GHR: variants seen among roughly 807,000 people sequenced by gnomAD.
The protein encoded by GHR is GH receptor.
Under a neutral mutation model 67.1 loss-of-function variants are expected in GHR, and 35 were observed. The ratio of observed to expected loss-of-function variants is 0.52; its 90% CI spans 0.40 to 0.69. The LOEUF (loss-of-function observed/expected upper bound fraction) is 0.69, where lower values mean the gene tolerates loss of function less well. Ranked by LOEUF, GHR falls within the 30% of genes least tolerant of loss-of-function variation. GHR has a pLI of 0.00. For synonymous variants in GHR, 272 were observed against 269.1 expected, an observed-to-expected ratio of 1.01 and a Z score of -0.10; for missense variants, 792 against 764.6, an observed-to-expected ratio of 1.04 and a Z score of -0.42.
In GHR at chr5:42,628,554, C is replaced by T. The variant is rs1461186725; in HGVS notation, c.71-484C>T. Among the ~76,000 whole-genome samples, 5 of 131,788 alleles carry T rather than the reference C, an allele frequency of 3.8e-5. 1 individual carries two copies. Among genetic ancestry groups the T allele is most frequent in the Admixed American group, 7.3e-5 (1 of 13,664 alleles). The allele number at this position is 131,788 out of a possible 152,430, so 86.5% of individuals were successfully genotyped here. ...CAGGATGTCTTGAAGTGGGGACTTG[C>T]AGGTCATAGTTTGGTTCAGAGATTC... On this transcript the variant is annotated intron_variant, in intron 2 of 9. Coordinates refer to ENST00000230882, the MANE Select transcript of GHR (RefSeq NM_000163.5).
At chr5:42,482,571 C>G in intron 1 of GHR, among the ~76,000 whole-genome samples, 1 of 152,220 alleles carries the variant, frequency 6.6e-6, no homozygotes, top group East Asian at 1.9e-4. Flanking sequence ...CTAATCAAGT[C>G]TCAGCAATGG....
chr5:42,424,907 G>T lies in GHR; in HGVS notation c.-12+952G>T. 2.9e-6 allele frequency: 2 copies of T among 698,684 alleles called. No individual in the cohort carries two copies. The highest frequency in any genetic ancestry group is 3.5e-6 in the Non-Finnish European group (2 of 567,948). 43.3% of individuals were successfully genotyped at this position (698,684 alleles called of 1,614,324 possible). On this transcript the variant is annotated intron_variant, in intron 1 of 9. Transcript: ENST00000230882. The surrounding 1 kb of genome is among the most constrained non-coding windows in gnomAD (Gnocchi z 4.1). ...GAATGAGTGTACGTGTGCGCTGTGT[G>T]TGCGCGCGCGAGTGTGCGCCTGGGG...
intron 1 of GHR, among the ~76,000 whole-genome samples, chr5:42,504,553 G>T (rs915684974): frequency 5.9e-5 from 9 of 152,106 alleles, no homozygotes; most frequent in Admixed American, 2.0e-4. Context: ...GAGGTCAGGA[G>T]ATTGAGATCA....
At chr5:42,574,801 A>G (rs753730308) in intron 2 of GHR, among the ~76,000 whole-genome samples, 17 of 152,196 alleles carry the variant, frequency 1.1e-4, no homozygotes, top group Non-Finnish European at 1.9e-4. Flanking sequence ...GATTTCTCCA[A>G]CATGTTTAGA....
intron 1 of GHR, among the ~76,000 whole-genome samples, chr5:42,529,512 C>T (rs943718201): frequency 1.3e-5 from 2 of 152,136 alleles, no homozygotes; most frequent in African/African-American, 4.8e-5. Flanking sequence ...TCAGAATTTG[C>T]AGGGTTGCTT....
chr5:42,632,560 G>T (rs988571191), intron 3 of GHR, among the ~76,000 whole-genome samples: 18 of 152,220 alleles, frequency 1.2e-4, no homozygotes, highest in Admixed American at 1.2e-3. Flanking sequence ...CTGGCAAAAG[G>T]TCTTAATCCA....
intron 3 of GHR, among the ~76,000 whole-genome samples, chr5:42,636,916 A>G (rs767093889): frequency 2.6e-5 from 4 of 152,232 alleles, no homozygotes; most frequent in Non-Finnish European, 5.9e-5. Flanking sequence ...TGCTAAACAA[A>G]GAACTTATTA....
intron 6 of GHR, among the ~76,000 whole-genome samples, chr5:42,707,570 G>T (rs1758238509): frequency 6.6e-6 from 1 of 151,822 alleles, no homozygotes; most frequent in Non-Finnish European, 1.5e-5. Flanking sequence ...TAACAATATT[G>T]ATTCTTCTAA....
Position 42,474,287 on chromosome 5 carries a change from AAG to A in GHR, c.-12+50336_-12+50337del, listed in dbSNP as rs1561325388. Among the ~76,000 whole-genome samples, 11 of 26,592 alleles carry A rather than the reference AAG, an allele frequency of 4.1e-4. 1 individual carries two copies. The highest frequency in any genetic ancestry group is 1.5e-3 in the African/African-American group (9 of 6,090). 17.4% of individuals were successfully genotyped at this position (26,592 alleles called of 152,430 possible). A position where few individuals can be genotyped will look rare whatever the true frequency, so the allele number is the denominator to read the frequency against. ...AGAAAGAAAGAAAGAAAGAAAGAAA[AAG>A]AGAAAGAGAAAGAAAGAAAGAAAGA... is the stretch of plus-strand genomic sequence containing the variant. On this transcript the variant is annotated intron_variant, in intron 1 of 9. Transcript: ENST00000230882.
chr5:42,580,075 T>C (rs1192180019), intron 2 of GHR, among the ~76,000 whole-genome samples: 1 of 152,168 alleles, frequency 6.6e-6, no homozygotes, highest in Non-Finnish European at 1.5e-5. Flanking sequence ...ATCAGTAGCC[T>C]TTATATTTGA....
intron 3 of GHR, among the ~76,000 whole-genome samples, chr5:42,650,178 C>T (rs532702986): frequency 5.3e-4 from 80 of 152,210 alleles, no homozygotes; most frequent in African/African-American, 1.8e-3. Flanking sequence ...CTCTTGTCTC[C>T]ATTTTCCTTA....
chr5:42,711,347 GA>G lies in GHR; in HGVS notation c.760del (p.Met254Ter), dbSNP rs1300100214. On this transcript the variant is annotated frameshift_variant, in exon 7 of 10. Coordinates refer to ENST00000230882, the MANE Select transcript of GHR (RefSeq NM_000163.5). LOFTEE classifies it high-confidence loss of function. ...SEVLYVTLPQ[M>X]SQFTCEEDFY... ...AGGTGCTCTATGTAACACTTCCTCA[GA>G]TGAGCCAATTTACATGTGAAGAAGG... The G allele has an allele frequency of 6.2e-7, 1 of 1,612,808 alleles. No individual in the cohort carries two copies. The highest frequency in any genetic ancestry group is 1.7e-5 in the Admixed American group (1 of 60,014).
chr5:42,560,114 G>C (rs1749520763), intron 1 of GHR, among the ~76,000 whole-genome samples: 1 of 152,132 alleles, frequency 6.6e-6, no homozygotes, highest in African/African-American at 2.4e-5. Flanking sequence ...GAGGGTGTTA[G>C]TTATTTTAGG....
chr5:42,489,867 C>A (rs10452460), intron 1 of GHR, among the ~76,000 whole-genome samples: 1 of 152,064 alleles, frequency 6.6e-6, no homozygotes, highest in Non-Finnish European at 1.5e-5. Flanking sequence ...ATATAGCCAG[C>A]TGAATAAACT....
chr5:42,655,092 G>A (rs950865169), intron 3 of GHR, among the ~76,000 whole-genome samples: 5 of 151,912 alleles, frequency 3.3e-5, no homozygotes, highest in Non-Finnish European at 5.9e-5. Context: ...CCAAAATAGC[G>A]AATACATTTT....
chr5:42,580,813 T>A (rs1390269439), intron 2 of GHR, among the ~76,000 whole-genome samples: 1 of 152,214 alleles, frequency 6.6e-6, no homozygotes, highest in Non-Finnish European at 1.5e-5. Flanking sequence ...AGGAAATACC[T>A]GCTTATTCCC....
intron 3 of GHR, among the ~76,000 whole-genome samples, chr5:42,684,545 G>A (rs1168829421): frequency 6.6e-6 from 1 of 152,134 alleles, no homozygotes; most frequent in Non-Finnish European, 1.5e-5. Context: ...CTGTATGAGA[G>A]GTGCTTGCCT....
At chr5:42,549,755 G>C (rs532058285) in intron 1 of GHR, 2 of 689,666 alleles carry the variant, frequency 2.9e-6, no homozygotes, top group South Asian at 6.4e-5. Context: ...AAAAGTACTG[G>C]GGGGTTTGAA....
chr5:42,684,223 G>A (rs1408804301), intron 3 of GHR, among the ~76,000 whole-genome samples: 1 of 152,124 alleles, frequency 6.6e-6, no homozygotes, highest in Non-Finnish European at 1.5e-5. Flanking sequence ...AAAGTACTTT[G>A]TGTCTCATCT....
Sources: allele counts gnomAD v4.1 joint callset (sites outside exome capture counted in the v4.1 genomes callset), GRCh38; gene constraint gnomAD v4.1.1; non-coding constraint Gnocchi (gnomAD v3.1); transcripts MANE v1.5; gene names NCBI Gene and HGNC (gene_info 2026-07-23, HGNC 2026-07-21).